Variants in FYCO1 observed in about 807,000 individuals in gnomAD.
FYCO1 encodes the protein FYVE and coiled-coil domain-containing protein 1.
FYCO1 carries 122 observed loss-of-function variants against 165.1 expected under a neutral mutation model. The ratio of observed to expected loss-of-function variants is 0.74; its 90% CI spans 0.64 to 0.86. FYCO1 has a LOEUF of 0.86. Ranked by LOEUF, FYCO1 falls within the 40% of genes least tolerant of loss-of-function variation. FYCO1 has a pLI of 0.00. For missense variants in FYCO1, 1,702 were observed against 1,810.3 expected (o/e 0.94, Z 1.09); for synonymous variants, 648 against 742.5 (o/e 0.87, Z 2.07).
chr3:45,934,254 C>T (rs1003633870), intron 15 of FYCO1, among the ~76,000 whole-genome samples: 3 of 152,118 alleles, frequency 2.0e-5, no homozygotes, highest in African/African-American at 7.2e-5. Flanking sequence ...ATAAACTTCC[C>T]AAATATGATG....
chr3:45,928,420 G>A (rs563815679), intron 16 of FYCO1, among the ~76,000 whole-genome samples: 8 of 152,238 alleles, frequency 5.3e-5, no homozygotes, highest in South Asian at 4.1e-4. Context: ...TCAGGCCAGC[G>A]GTGTGTACAC....
intron 6 of FYCO1, 83 bp downstream of exon 6, chr3:45,973,005 T>G: frequency 6.8e-7 from 1 of 1,471,992 alleles, no homozygotes; most frequent in Non-Finnish European, 9.5e-7. Context: ...CAAGCAAAAT[T>G]GTTTTGAGTA....
intron 1 of FYCO1, among the ~76,000 whole-genome samples, chr3:45,987,490 C>A (rs1352201705): frequency 6.6e-6 from 1 of 152,228 alleles, no homozygotes. Flanking sequence ...GATGGCCAGG[C>A]CTAAAAAGTG....
At chr3:45,923,139 G>A (rs1703165531) in intron 17 of FYCO1, among the ~76,000 whole-genome samples, 1 of 152,232 alleles carries the variant, frequency 6.6e-6, no homozygotes, top group Non-Finnish European at 1.5e-5. Context: ...GCTTCCCAGA[G>A]ATGGCACCTG....
At chr3:45,991,173 C>T (rs574112065) in intron 1 of FYCO1, among the ~76,000 whole-genome samples, 1 of 152,316 alleles carries the variant, frequency 6.6e-6, no homozygotes, top group South Asian at 2.1e-4. Context: ...AAATAATGCA[C>T]TTAAAACACC....
At chr3:45,974,103 G>T (rs1706595126) in intron 5 of FYCO1, among the ~76,000 whole-genome samples, 1 of 152,082 alleles carries the variant, frequency 6.6e-6, no homozygotes, top group South Asian at 2.1e-4. Context: ...AGATGCCTGG[G>T]CATAGTGGCT....
intron 14 of FYCO1, among the ~76,000 whole-genome samples, chr3:45,937,705 A>T (rs1703977736): frequency 6.6e-6 from 1 of 152,210 alleles, no homozygotes; most frequent in African/African-American, 2.4e-5. Context: ...AGGTGCAGGA[A>T]GAACGCAGGC....
In FYCO1 at chr3:45,968,322, G is replaced by A. The variant is rs202118231; in HGVS notation, c.1012C>T (p.Arg338Trp). 4.6e-5 allele frequency: 74 copies of A among 1,613,750 alleles called. No homozygotes were observed. Among genetic ancestry groups the A allele is most frequent in the Middle Eastern group, 1.6e-4 (1 of 6,062 alleles). Residue 338 changes from arginine (R) to tryptophan (W), a missense_variant, in exon 8 of 18, where the codon CGG (arginine) becomes TGG (tryptophan). Physicochemically the swap from Arg to Trp is moderately radical, Grantham distance 101 (BLOSUM62 -3). Coordinates refer to ENST00000296137, the MANE Select transcript of FYCO1 (RefSeq NM_024513.4). ...GGCTGCAGCATGGACTCCAGCCGCCGCAGGGCTGTGTGGTAGTCCTCCTCC... is the reference window on the plus strand; with the variant it reads ...GGCTGCAGCATGGACTCCAGCCGCCACAGGGCTGTGTGGTAGTCCTCCTCC... The part of the protein sequence containing the change: ...EKEEDYHTAL[R>W]RLESMLQPLA...
chr3:45,924,984 C>T (rs1430753904), intron 16 of FYCO1, among the ~76,000 whole-genome samples: 1 of 151,746 alleles, frequency 6.6e-6, no homozygotes, highest in African/African-American at 2.4e-5. Context: ...GGCTAGAGTG[C>T]AGTGTCGTGA....
In FYCO1 at chr3:45,968,424, C is replaced by T; in HGVS notation, c.910G>A (p.Val304Ile). The T allele has an allele frequency of 3.7e-6, 6 of 1,613,928 alleles. No homozygotes were observed. Among genetic ancestry groups the T allele is most frequent in the Non-Finnish European group, 5.1e-6 (6 of 1,179,964 alleles). Residue 304 changes from valine (V) to isoleucine (I), a missense_variant, in exon 8 of 18, where the codon GTC (valine) becomes ATC (isoleucine). Coordinates refer to ENST00000296137, the MANE Select transcript of FYCO1 (RefSeq NM_024513.4). Reference protein sequence around the residue: ...LVAELQKQWEVTQATQNTVKE... With the variant: ...LVAELQKQWEITQATQNTVKE... ...ACAGTGTTCTGGGTGGCCTGGGTGA[C>T]CTCCCACTGCTTCTGGAGCTCAGCT...
chr3:45,994,909 A>T (rs1707726952), intron 1 of FYCO1, among the ~76,000 whole-genome samples: 1 of 151,830 alleles, frequency 6.6e-6, no homozygotes, highest in African/African-American at 2.4e-5. Context: ...TTTTTTCTGG[A>T]GAGGACACCC....
At chr3:45,952,580 G>A (rs184402013) in intron 14 of FYCO1, among the ~76,000 whole-genome samples, 31 of 152,324 alleles carry the variant, frequency 2.0e-4, no homozygotes, top group Admixed American at 1.6e-3. Context: ...CTTGGTGGCC[G>A]AAGACCAGCA....
chr3:45,926,918 C>T (rs1451132633), intron 16 of FYCO1, among the ~76,000 whole-genome samples: 1 of 150,938 alleles, frequency 6.6e-6, no homozygotes, highest in Non-Finnish European at 1.5e-5. Flanking sequence ...GAGCTGAGAT[C>T]GCGCCATTGC....
intron 6 of FYCO1, among the ~76,000 whole-genome samples, chr3:45,970,706 G>A (rs1316632168): frequency 6.6e-6 from 1 of 152,118 alleles, no homozygotes; most frequent in Non-Finnish European, 1.5e-5. Flanking sequence ...GGGCAAAGCT[G>A]TGTTCCACAC....
intron 16 of FYCO1, among the ~76,000 whole-genome samples, chr3:45,927,038 A>G (rs556247961): frequency 6.6e-6 from 1 of 152,090 alleles, no homozygotes; most frequent in African/African-American, 2.4e-5. Flanking sequence ...CGGCACATTC[A>G]CCCAGGTAGG....
At chr3:45,945,671 C>T (rs1191739454) in intron 14 of FYCO1, 1 of 152,166 alleles carries the variant, frequency 6.6e-6, no homozygotes, top group African/African-American at 2.4e-5. Context: ...CAGAAGTCTT[C>T]AGGAAATGAG....
At position 45,966,496 on chromosome 3, in the gene FYCO1, G is replaced by A. The variant is rs1012548121; in HGVS notation, c.2838C>T (p.Gly946=). The A allele has an allele frequency of 5.6e-6, 9 of 1,611,542 alleles. No homozygotes were observed. The South Asian group carries it at 6.6e-5, about 12-fold the overall frequency. The change falls in exon 8 of 18, where the codon GGC becomes GGT. Residue 946 remains glycine (G), a synonymous_variant. Coordinates refer to ENST00000296137, the MANE Select transcript of FYCO1 (RefSeq NM_024513.4). Reference sequence around the variant, plus strand: ...GCAGCCCAGCTACTTGGCGCTCCAGGCCCTCTCGCTCCCTTGAGGCTGCCT... The same window carrying A: ...GCAGCCCAGCTACTTGGCGCTCCAGACCCTCTCGCTCCCTTGAGGCTGCCT... ...AKEAASRERE[G]LERQVAGLQQ...
At chr3:45,985,898 T>C (rs1188611807) in intron 1 of FYCO1, among the ~76,000 whole-genome samples, 1 of 152,202 alleles carries the variant, frequency 6.6e-6, no homozygotes, top group East Asian at 1.9e-4. Flanking sequence ...ATTCTTCCCT[T>C]AGATATCCAG....
chr3:45,938,288 G>A, intron 14 of FYCO1: 1 of 1,249,542 alleles, frequency 8.0e-7, no homozygotes, highest in Non-Finnish European at 1.0e-6. Context: ...GGATAGGTGG[G>A]TGATGCAGTC....
Sources: allele counts gnomAD v4.1 joint callset (sites outside exome capture counted in the v4.1 genomes callset), GRCh38; gene constraint gnomAD v4.1.1; transcripts MANE v1.5; gene names NCBI Gene and HGNC (gene_info 2026-07-23, HGNC 2026-07-21).